CSTPP1: variants seen among roughly 807,000 people sequenced by gnomAD.
CSTPP1 encodes the protein UPF0705 protein C11orf49.
chr11:47,130,182 G>A, the CSTPP1 span, among the ~76,000 whole-genome samples: 4 of 151,938 alleles, frequency 2.6e-5, no homozygotes, highest in South Asian at 2.1e-4. Flanking sequence ...GCTTGAACTC[G>A]GGAGGCAGCG....
chr11:47,144,365 T>C, the CSTPP1 span, among the ~76,000 whole-genome samples: 4 of 151,992 alleles, frequency 2.6e-5, no homozygotes, highest in Non-Finnish European at 4.4e-5. Flanking sequence ...ATTTTTTGTA[T>C]TTGTAGTAGA....
the CSTPP1 span, among the ~76,000 whole-genome samples, chr11:47,005,377 TCA>T: frequency 6.6e-6 from 1 of 152,176 alleles, no homozygotes; most frequent in Non-Finnish European, 1.5e-5. Flanking sequence ...TAAGATATGG[TCA>T]CTTCCCTGTA....
chr11:47,137,328 A>T, the CSTPP1 span: 2 of 1,385,056 alleles, frequency 1.4e-6, no homozygotes, highest in Non-Finnish European at 1.9e-6. Context: ...TTTTATATAC[A>T]AGGAAAACCA....
At chr11:47,001,132 G>A in the CSTPP1 span, among the ~76,000 whole-genome samples, 1 of 152,110 alleles carries the variant, frequency 6.6e-6, no homozygotes, top group African/African-American at 2.4e-5. Context: ...TGTCCACCTT[G>A]ATTATCTAAG....
At chr11:47,102,429 C>T in the CSTPP1 span, among the ~76,000 whole-genome samples, 5 of 151,846 alleles carry the variant, frequency 3.3e-5, no homozygotes, top group African/African-American at 9.7e-5. Flanking sequence ...CTAGAATATG[C>T]CTTCTCAATT....
At chr11:47,155,587 A>C in the CSTPP1 span, 1 of 384,744 alleles carries the variant, frequency 2.6e-6, no homozygotes, top group Non-Finnish European at 4.9e-6. Context: ...AAAACTTACT[A>C]TGTCCCAGGC....
At chr11:47,108,412 C>T in the CSTPP1 span, among the ~76,000 whole-genome samples, 3 of 152,196 alleles carry the variant, frequency 2.0e-5, no homozygotes, top group Non-Finnish European at 4.4e-5. Context: ...CCTGGCGCTT[C>T]GCCTGATTTC....
At chr11:47,139,690 A>G in the CSTPP1 span, among the ~76,000 whole-genome samples, 66 of 147,764 alleles carry the variant, frequency 4.5e-4, 1 homozygote, top group East Asian at 6.9e-3. Context: ...AAAAAAAGGG[A>G]GCATGAAAGT....
chr11:46,971,420 A>T, the CSTPP1 span, among the ~76,000 whole-genome samples: 18 of 152,230 alleles, frequency 1.2e-4, no homozygotes, highest in Middle Eastern at 3.2e-3. Flanking sequence ...TCTGGAAAGT[A>T]ATCTGACAAT....
chr11:47,052,509 A>G, the CSTPP1 span: 1 of 1,613,326 alleles, frequency 6.2e-7, no homozygotes, highest in Non-Finnish European at 8.5e-7. Context: ...AACTGTGGGC[A>G]AAAATGGCGG....
At chr11:47,111,263 C>T in the CSTPP1 span, among the ~76,000 whole-genome samples, 1 of 152,108 alleles carries the variant, frequency 6.6e-6, no homozygotes, top group South Asian at 2.1e-4. Flanking sequence ...GGGGCAAGAT[C>T]TGTGCCTAGT....
chr11:47,112,137 C>A, the CSTPP1 span, among the ~76,000 whole-genome samples: 1 of 152,170 alleles, frequency 6.6e-6, no homozygotes, highest in African/African-American at 2.4e-5. Context: ...TTAACCCCTT[C>A]AAATCTTCAC....
chr11:47,033,991 AC>A, the CSTPP1 span, among the ~76,000 whole-genome samples: 1 of 152,126 alleles, frequency 6.6e-6, no homozygotes, highest in African/African-American at 2.4e-5. Context: ...GGTGTGCTGC[AC>A]CCATTAATTC....
the CSTPP1 span, among the ~76,000 whole-genome samples, chr11:47,136,742 C>T: frequency 1.3e-5 from 2 of 152,136 alleles, no homozygotes; most frequent in African/African-American, 2.4e-5. Flanking sequence ...GGCAGGCTTC[C>T]GGGTGGATTG....
the CSTPP1 span, among the ~76,000 whole-genome samples, chr11:47,065,519 C>G: frequency 6.6e-6 from 1 of 152,124 alleles, no homozygotes. Flanking sequence ...CTCAAGCAAT[C>G]TTCCTGCCTC....
At chr11:46,958,517 C>T in the CSTPP1 span, among the ~76,000 whole-genome samples, 9 of 151,962 alleles carry the variant, frequency 5.9e-5, no homozygotes, top group African/African-American at 1.7e-4. Context: ...GCTATATTGT[C>T]CAGGCTGGTC....
the CSTPP1 span, among the ~76,000 whole-genome samples, chr11:47,111,273 T>C: frequency 6.6e-6 from 1 of 152,110 alleles, no homozygotes; most frequent in Non-Finnish European, 1.5e-5. Context: ...CTGTGCCTAG[T>C]GTCAAGAGAG....
the CSTPP1 span, chr11:47,157,723 G>C: frequency 7.7e-7 from 1 of 1,295,636 alleles, no homozygotes; most frequent in Middle Eastern, 2.0e-4. Flanking sequence ...CCCTGGCTTG[G>C]CTGTGGGTAT....
At chr11:47,147,076 G>A in the CSTPP1 span, among the ~76,000 whole-genome samples, 2 of 152,168 alleles carry the variant, frequency 1.3e-5, no homozygotes, top group Non-Finnish European at 2.9e-5. Flanking sequence ...TGAGGGAGGG[G>A]TGCACAGGTG....
Sources: gnomAD v4.1 joint callset for allele counts (sites outside exome capture counted in the v4.1 genomes callset) on GRCh38, gnomAD v4.1.1 for gene constraint, MANE v1.5 for transcripts, NCBI Gene and HGNC (gene_info 2026-07-23, HGNC 2026-07-21) for gene names.